DIP2C: variants seen among roughly 807,000 people sequenced by gnomAD.
DIP2C encodes the protein disco-interacting protein 2 homolog C.
In DIP2C, 33 loss-of-function variants were observed where a neutral mutation model predicts 192.4. The observed-to-expected ratio is 0.17, with a 90% CI of 0.13 to 0.23. The LOEUF (loss-of-function observed/expected upper bound fraction) is 0.23. DIP2C is among the 10% of genes least tolerant of loss of function. DIP2C has a pLI of 1.00. For missense variants in DIP2C, 1,537 were observed against 2,110.1 expected (o/e 0.73, Z 5.32); for synonymous variants, 979 against 864.1 (o/e 1.13, Z -2.33).
chr10:364,830 G>A, intron 19 of DIP2C: 1 of 625,308 alleles, frequency 1.6e-6, no homozygotes. Flanking sequence ...GGAGCCTCCT[G>A]CCTCTGAACC....
intron 1 of DIP2C, among the ~76,000 whole-genome samples, chr10:546,105 A>C (rs1246352987): frequency 6.7e-6 from 1 of 150,352 alleles, no homozygotes; most frequent in African/African-American, 2.5e-5. Context: ...AACATGGTGA[A>C]ACCCCATCTC....
chr10:447,142 C>G (rs1446038583), intron 3 of DIP2C, among the ~76,000 whole-genome samples: 2 of 152,118 alleles, frequency 1.3e-5, no homozygotes, highest in Non-Finnish European at 1.5e-5. Flanking sequence ...GCTTGTCACA[C>G]ACAGTGGGGC....
intron 31 of DIP2C, among the ~76,000 whole-genome samples, chr10:314,372 C>G (rs1443391454): frequency 2.6e-5 from 4 of 152,204 alleles, no homozygotes; most frequent in Admixed American, 6.5e-5. Flanking sequence ...CTGGCCTCTT[C>G]CCATCTTTCC....
chr10:576,036 C>G (rs576921573), intron 1 of DIP2C, among the ~76,000 whole-genome samples: 1 of 152,228 alleles, frequency 6.6e-6, no homozygotes, highest in Non-Finnish European at 1.5e-5. Flanking sequence ...CTGTTGCCAT[C>G]CAGCACAGTG....
intron 1 of DIP2C, among the ~76,000 whole-genome samples, chr10:625,477 C>T (rs974168759): frequency 2.6e-5 from 4 of 152,254 alleles, no homozygotes; most frequent in South Asian, 4.2e-4. Context: ...GCGAAGAGGC[C>T]GGGCTCTGCC....
chr10:646,263 C>T (rs1481895812), intron 1 of DIP2C, among the ~76,000 whole-genome samples: 2 of 152,136 alleles, frequency 1.3e-5, no homozygotes, highest in African/African-American at 2.4e-5. Context: ...TGCCCCGTGC[C>T]CCCCGCACCC....
intron 1 of DIP2C, among the ~76,000 whole-genome samples, chr10:525,864 T>A (rs1847021590): frequency 6.6e-6 from 1 of 152,088 alleles, no homozygotes; most frequent in Non-Finnish European, 1.5e-5. Flanking sequence ...TGGAGGGTAG[T>A]CAACCCAGGG....
At chr10:548,551 A>C (rs1409030868) in intron 1 of DIP2C, among the ~76,000 whole-genome samples, 36 of 138,314 alleles carry the variant, frequency 2.6e-4, no homozygotes, top group African/African-American at 8.7e-4. Context: ...GGCAGCGAGG[A>C]CAGAGGTGAT....
At chr10:424,982 CG>C (rs1966481815) in intron 4 of DIP2C, among the ~76,000 whole-genome samples, 4 of 128,420 alleles carry the variant, frequency 3.1e-5, no homozygotes, top group Admixed American at 1.6e-4. Flanking sequence ...GTGACTAATA[CG>C]ACACGGATGA....
intron 1 of DIP2C, among the ~76,000 whole-genome samples, chr10:521,408 A>G (rs1425625308): frequency 1.3e-5 from 2 of 152,256 alleles, no homozygotes; most frequent in African/African-American, 4.8e-5. Flanking sequence ...ACTCGTCAAA[A>G]AATCATCCCT....
intron 1 of DIP2C, among the ~76,000 whole-genome samples, chr10:579,607 G>A (rs956586218): frequency 3.3e-5 from 5 of 151,884 alleles, no homozygotes; most frequent in Admixed American, 1.3e-4. Flanking sequence ...CATCCAAATA[G>A]TGTACAAACA....
intron 1 of DIP2C, among the ~76,000 whole-genome samples, chr10:591,699 T>C (rs899416430): frequency 1.3e-5 from 2 of 151,996 alleles, no homozygotes; most frequent in Non-Finnish European, 2.9e-5. Flanking sequence ...AGCCACCAGC[T>C]AGGGACATGA....
chr10:414,377 C>T (rs2133098126), intron 7 of DIP2C, among the ~76,000 whole-genome samples: 1 of 152,302 alleles, frequency 6.6e-6, no homozygotes, highest in South Asian at 2.1e-4. Flanking sequence ...CAGGTGGAAA[C>T]TGCGCTGCAC....
At chr10:517,196 C>T (rs961315235) in intron 1 of DIP2C, among the ~76,000 whole-genome samples, 5 of 152,144 alleles carry the variant, frequency 3.3e-5, no homozygotes, top group Non-Finnish European at 7.4e-5. Context: ...TCTCCTTTTC[C>T]CTTCTCCATT....
rs1350348281 is a variant in DIP2C at position 363,671 on chromosome 10, A to C, written c.2478-360T>G. Among the ~76,000 whole-genome samples, 3 of 152,210 alleles carry C rather than the reference A, an allele frequency of 2.0e-5. No homozygotes were observed. ...AGCTCGAGTTTGCACCCGTGAAGTT[A>C]ACGGTCTCCAAATCAGTAGAAATTT... On this transcript the variant is annotated intron_variant, in intron 20 of 36. Transcript: ENST00000280886. This position sits in a 1 kb window ranked among gnomAD's most constrained non-coding sequence, Gnocchi z 5.4.
intron 29 of DIP2C, among the ~76,000 whole-genome samples, chr10:339,167 G>A (rs1338628226): frequency 6.6e-6 from 1 of 152,118 alleles, no homozygotes; most frequent in African/African-American, 2.4e-5. Flanking sequence ...TGAACTGCAT[G>A]GGAAAGGGAA....
intron 1 of DIP2C, among the ~76,000 whole-genome samples, chr10:599,137 A>AC (rs1851901096): frequency 6.6e-6 from 1 of 151,746 alleles, no homozygotes; most frequent in South Asian, 2.1e-4. Context: ...AGACCCAGAA[A>AC]CCCCAGCGTT....
intron 1 of DIP2C, among the ~76,000 whole-genome samples, chr10:578,844 A>G (rs1278447441): frequency 6.6e-6 from 1 of 152,128 alleles, no homozygotes; most frequent in Non-Finnish European, 1.5e-5. Context: ...AGATCCATAT[A>G]GTGTACGTAC....
intron 1 of DIP2C, among the ~76,000 whole-genome samples, chr10:583,572 G>T (rs958888488): frequency 2.6e-5 from 4 of 152,208 alleles, no homozygotes; most frequent in African/African-American, 9.7e-5. Flanking sequence ...GGGCCCTCTT[G>T]TGTCCCACAG....
Sources: allele counts gnomAD v4.1 joint callset (sites outside exome capture counted in the v4.1 genomes callset), GRCh38; gene constraint gnomAD v4.1.1; non-coding constraint Gnocchi (gnomAD v3.1); transcripts MANE v1.5; gene names NCBI Gene and HGNC (gene_info 2026-07-23, HGNC 2026-07-21).